DPP10: variants seen among roughly 807,000 people sequenced by gnomAD.
DPP10 encodes inactive dipeptidyl peptidase 10.
DPP10 carries 33 observed loss-of-function variants against 120.9 expected under a neutral mutation model. The observed-to-expected ratio is 0.27, with a 90% CI of 0.21 to 0.37. DPP10 has a LOEUF of 0.37. Among genes scored for constraint, DPP10 ranks in the 10% least tolerant of loss-of-function variants. The probability of loss-of-function intolerance (pLI) is 1.00; values close to 1 mark genes in which losing one functional copy is unlikely to be tolerated. For missense variants in DPP10, 816 were observed against 942.8 expected, an observed-to-expected ratio of 0.87 and a Z score of 1.76; for synonymous variants, 337 against 326.1, an observed-to-expected ratio of 1.03 and a Z score of -0.36.
chr2:114,512,908 ATT>A (rs2104591543), intron 1 of DPP10, among the ~76,000 whole-genome samples: 1 of 152,294 alleles, frequency 6.6e-6, no homozygotes, highest in African/African-American at 2.4e-5. Flanking sequence ...TAGAGGAAAG[ATT>A]AGAAATATAA....
chr2:114,848,578 C>A (rs116130363), intron 1 of DPP10, among the ~76,000 whole-genome samples: 76 of 152,200 alleles, frequency 5.0e-4, no homozygotes, highest in African/African-American at 1.7e-3. Flanking sequence ...TGAGATTCAA[C>A]GACATTGAAT....
intron 7 of DPP10, among the ~76,000 whole-genome samples, chr2:115,722,065 A>C (rs1032289645): frequency 6.6e-6 from 1 of 152,100 alleles, no homozygotes; most frequent in East Asian, 1.9e-4. Flanking sequence ...CATAGATTTT[A>C]AGAGTGAAAT....
At chr2:114,490,260 T>A (rs972854979) in intron 1 of DPP10, among the ~76,000 whole-genome samples, 3 of 152,150 alleles carry the variant, frequency 2.0e-5, no homozygotes, top group African/African-American at 7.2e-5. Flanking sequence ...TTCACATGTC[T>A]TTTGCAAAAT....
chr2:114,834,017 G>A (rs909975491), intron 1 of DPP10: 10 of 151,734 alleles, frequency 6.6e-5, no homozygotes, highest in African/African-American at 1.5e-4. Flanking sequence ...ACATGTATAC[G>A]TATATAAACA....
At chr2:115,078,406 A>C (rs986377166) in intron 1 of DPP10, among the ~76,000 whole-genome samples, 1 of 152,206 alleles carries the variant, frequency 6.6e-6, no homozygotes, top group Non-Finnish European at 1.5e-5. Flanking sequence ...AATTTTGTAA[A>C]ACTGTTTTAA....
At chr2:114,596,419 A>T (rs1198463584) in intron 1 of DPP10, among the ~76,000 whole-genome samples, 1 of 152,070 alleles carries the variant, frequency 6.6e-6, no homozygotes, top group Non-Finnish European at 1.5e-5. Context: ...GGTTTCCTTT[A>T]TTCTAGATTT....
In DPP10 at chr2:115,012,942, T is replaced by C. The variant is rs1336496556; in HGVS notation, c.61-296297T>C. 2.6e-5 allele frequency among the ~76,000 whole-genome samples: 4 copies of C among 152,130 alleles called. No individual in the cohort carries two copies. In the East Asian group the frequency reaches 5.8e-4, roughly 22 times the overall value. Reference sequence around the variant, plus strand: ...GATATAGGATATGAAAGGAAAGTAATTCATCCAACTTGCCAGTCTTTGTCT... The same window carrying C: ...GATATAGGATATGAAAGGAAAGTAACTCATCCAACTTGCCAGTCTTTGTCT... On this transcript the variant is annotated intron_variant, in intron 1 of 25. Coordinates refer to ENST00000410059, the MANE Select transcript of DPP10 (RefSeq NM_020868.6).
chr2:115,712,045 T>G (rs570212702), intron 7 of DPP10, among the ~76,000 whole-genome samples: 1 of 149,780 alleles, frequency 6.7e-6, no homozygotes, highest in African/African-American at 2.5e-5. Flanking sequence ...AGGGGAGGGA[T>G]GGTTTTGGGA....
At chr2:115,272,997 A>T (rs951984746) in intron 1 of DPP10, among the ~76,000 whole-genome samples, 14 of 152,184 alleles carry the variant, frequency 9.2e-5, no homozygotes, top group Admixed American at 3.3e-4. Flanking sequence ...ATTTGACAAA[A>T]GTGAACAACC....
intron 3 of DPP10, among the ~76,000 whole-genome samples, chr2:115,445,191 A>G (rs2012614): frequency 0.14 from 21,185 of 152,146 alleles, 3,229 homozygotes; most frequent in African/African-American, 0.37. Context: ...CTGTGAGTCA[A>G]TTAAATCTCT....
chr2:115,703,137 G>T (rs1283880513), intron 7 of DPP10, among the ~76,000 whole-genome samples: 1 of 151,830 alleles, frequency 6.6e-6, no homozygotes, highest in Non-Finnish European at 1.5e-5. Context: ...GTACTAATTA[G>T]AATGAATCTA....
chr2:115,524,711 A>G (rs956841025), intron 4 of DPP10, among the ~76,000 whole-genome samples: 1 of 152,132 alleles, frequency 6.6e-6, no homozygotes, highest in African/African-American at 2.4e-5. Context: ...TGAAACTATA[A>G]GCTAACGCCT....
At position 115,490,480 on chromosome 2, in the gene DPP10, G is replaced by A. The variant is rs892113094; in HGVS notation, c.272-9030G>A. On this transcript the variant is annotated intron_variant, in intron 3 of 25. Transcript: ENST00000410059. ...AAGATGAGATTTGGGTGGGGACACA[G>A]CTAAACCATATCAATGGTTTTACCT... Among the ~76,000 whole-genome samples, 4 of 152,098 alleles carry A rather than the reference G, an allele frequency of 2.6e-5. No individual in the cohort carries two copies. The East Asian group carries it at 7.7e-4, about 29-fold the overall frequency.
intron 1 of DPP10, among the ~76,000 whole-genome samples, chr2:115,163,003 A>C (rs927709782): frequency 6.6e-6 from 1 of 151,994 alleles, no homozygotes; most frequent in Non-Finnish European, 1.5e-5. Flanking sequence ...GGGCAGAGAG[A>C]GCTGCACTTA....
chr2:115,743,989 G>A (rs1310437223), intron 9 of DPP10, among the ~76,000 whole-genome samples: 1 of 150,612 alleles, frequency 6.6e-6, no homozygotes, highest in Non-Finnish European at 1.5e-5. Context: ...TTGCGATGCT[G>A]TCTAACTTTT....
In DPP10 at chr2:115,459,938, T is replaced by TATACAC. The variant is rs66927327; in HGVS notation, c.272-39571_272-39570insTACACA. ...AAAACATATATTTTATATATATATA[T>TATACAC]ACACACACACACCTTTGTTTGCATT... On this transcript the variant is annotated intron_variant, in intron 3 of 25. Transcript: ENST00000410059. 2.3e-5 allele frequency among the ~76,000 whole-genome samples: 3 copies of TATACAC among 128,504 alleles called. No homozygotes were observed. The South Asian group carries it at 8.1e-4, about 35-fold the overall frequency. The allele number at this position is 128,504 out of a possible 152,430, so 84.3% of individuals were successfully genotyped here. A position where few individuals can be genotyped will look rare whatever the true frequency, so the allele number is the denominator to read the frequency against.
At chr2:115,310,804 G>A (rs1267382400) in intron 2 of DPP10, among the ~76,000 whole-genome samples, 2 of 152,156 alleles carry the variant, frequency 1.3e-5, no homozygotes, top group Non-Finnish European at 2.9e-5. Flanking sequence ...AGAATGAGTC[G>A]ACATTGCTGC....
intron 5 of DPP10, among the ~76,000 whole-genome samples, chr2:115,605,683 A>T (rs2083659499): frequency 1.3e-5 from 2 of 152,192 alleles, no homozygotes; most frequent in East Asian, 3.9e-4. Context: ...CTATCTTCTT[A>T]TCAACAAAAG....
intron 1 of DPP10, among the ~76,000 whole-genome samples, chr2:114,466,487 G>C (rs1356449202): frequency 6.6e-6 from 1 of 152,132 alleles, no homozygotes; most frequent in Non-Finnish European, 1.5e-5. Flanking sequence ...TTTGAATCTC[G>C]ACTCTGTTTC....
Sources: gnomAD v4.1 joint callset for allele counts (sites outside exome capture counted in the v4.1 genomes callset) on GRCh38, gnomAD v4.1.1 for gene constraint, MANE v1.5 for transcripts, NCBI Gene and HGNC (gene_info 2026-07-23, HGNC 2026-07-21) for gene names.